Variants in GABRG3 observed in about 807,000 individuals in gnomAD.
GABRG3 encodes the protein gamma-aminobutyric acid type A receptor subunit gamma3.
In GABRG3, 25 loss-of-function variants were observed where a neutral mutation model predicts 48.8. The ratio of observed to expected loss-of-function variants is 0.51; its 90% CI spans 0.37 to 0.72. GABRG3 has a LOEUF of 0.72. Among genes scored for constraint, GABRG3 ranks in the 30% least tolerant of loss-of-function variants. The pLI, the probability that GABRG3 is intolerant of heterozygous loss-of-function variation, is 0.00. For synonymous variants in GABRG3, 227 were observed against 217.6 expected (o/e 1.04, Z -0.38); for missense variants, 394 against 577.9 (o/e 0.68, Z 3.26).
In GABRG3 at chr15:27,022,458, T is replaced by C. The variant is rs374412637; in HGVS notation, c.203-4296T>C. Among the ~76,000 whole-genome samples the C allele has an allele frequency of 2.6e-5, 4 of 152,310 alleles. No homozygotes were observed. The South Asian group carries it at 6.2e-4, about 24-fold the overall frequency. Reference sequence around the variant, plus strand: ...CAAAGTTAGCAAAATGAGACACTTATTACCATATGAAGATCATCAGGAGAG... The same window carrying C: ...CAAAGTTAGCAAAATGAGACACTTACTACCATATGAAGATCATCAGGAGAG... On this transcript the variant is annotated intron_variant, in intron 2 of 9. Coordinates refer to ENST00000615808, the MANE Select transcript of GABRG3 (RefSeq NM_033223.5).
intron 3 of GABRG3, among the ~76,000 whole-genome samples, chr15:27,118,049 T>C (rs1015684233): frequency 3.9e-5 from 6 of 152,192 alleles, no homozygotes; most frequent in Non-Finnish European, 8.8e-5. Flanking sequence ...CACGACCTCT[T>C]CTCTTAACCA....
intron 3 of GABRG3, among the ~76,000 whole-genome samples, chr15:27,044,806 G>C (rs1896334791): frequency 1.3e-5 from 2 of 152,206 alleles, no homozygotes; most frequent in Non-Finnish European, 2.9e-5. Context: ...ATTTGAACCT[G>C]GTTTAACCAG....
intron 3 of GABRG3, among the ~76,000 whole-genome samples, chr15:27,315,693 C>T (rs1251707042): frequency 1.3e-5 from 2 of 152,124 alleles, no homozygotes; most frequent in Non-Finnish European, 2.9e-5. Context: ...TGAAATCTTG[C>T]ACTTTAAAAT....
At chr15:27,000,986 GT>G in intron 2 of GABRG3, among the ~76,000 whole-genome samples, 1 of 152,266 alleles carries the variant, frequency 6.6e-6, no homozygotes, top group East Asian at 1.9e-4. Context: ...CTTATGGATG[GT>G]TTTTGGATGG....
chr15:27,408,037 T>G (rs377106895), intron 5 of GABRG3, among the ~76,000 whole-genome samples: 53 of 152,154 alleles, frequency 3.5e-4, no homozygotes, highest in African/African-American at 1.2e-3. Context: ...GCCATGCATG[T>G]GTAGGGTAGG....
intron 3 of GABRG3, among the ~76,000 whole-genome samples, chr15:27,034,141 A>G (rs972937810): frequency 2.0e-5 from 3 of 152,234 alleles, no homozygotes; most frequent in Non-Finnish European, 4.4e-5. Context: ...ACCCTGTATG[A>G]AAACGTATAT....
chr15:27,282,479 C>T (rs933227066), intron 3 of GABRG3, among the ~76,000 whole-genome samples: 3 of 152,200 alleles, frequency 2.0e-5, no homozygotes, highest in African/African-American at 7.2e-5. Context: ...TCCTCTCTCG[C>T]ATCCATTCTT....
chr15:27,167,446 C>A (rs1318083932), intron 3 of GABRG3, among the ~76,000 whole-genome samples: 1 of 152,206 alleles, frequency 6.6e-6, no homozygotes, highest in African/African-American at 2.4e-5. Context: ...CCTGGCTGGG[C>A]TCAGCTTAGC....
chr15:27,205,577 G>T (rs1888825962), intron 3 of GABRG3, among the ~76,000 whole-genome samples: 1 of 152,038 alleles, frequency 6.6e-6, no homozygotes, highest in African/African-American at 2.4e-5. Flanking sequence ...TGACCTCATA[G>T]AATGAGTTAG....
intron 3 of GABRG3, among the ~76,000 whole-genome samples, chr15:27,274,589 A>G (rs2140475744): frequency 6.6e-6 from 1 of 152,218 alleles, no homozygotes; most frequent in Non-Finnish European, 1.5e-5. Context: ...TATGGGCCCC[A>G]CCTTTCCATA....
At chr15:27,263,756 A>C (rs938312234) in intron 3 of GABRG3, among the ~76,000 whole-genome samples, 1 of 151,958 alleles carries the variant, frequency 6.6e-6, no homozygotes, top group African/African-American at 2.4e-5. Context: ...TGTTTAGACA[A>C]CCACCGGACG....
intron 3 of GABRG3, among the ~76,000 whole-genome samples, chr15:27,105,084 A>G (rs191817067): frequency 6.6e-6 from 1 of 152,356 alleles, no homozygotes; most frequent in Non-Finnish European, 1.5e-5. Context: ...AAGAATGGAA[A>G]AAGATATACC....
chr15:27,514,790 T>C lies in GABRG3; in HGVS notation c.713-5182T>C, dbSNP rs541272806. 9.2e-5 allele frequency among the ~76,000 whole-genome samples: 14 copies of C among 152,240 alleles called. No individual in the cohort carries two copies. In the South Asian group the frequency reaches 2.5e-3, roughly 27 times the overall value. On this transcript the variant is annotated intron_variant, in intron 6 of 9. Transcript: ENST00000615808. Reference sequence around the variant, plus strand: ...GCAGAATCAAAATGCACACACAGATTCATACAGATACGAACACACAAATAA... The same window carrying C: ...GCAGAATCAAAATGCACACACAGATCCATACAGATACGAACACACAAATAA...
intron 5 of GABRG3, among the ~76,000 whole-genome samples, chr15:27,387,121 T>C (rs1895946191): frequency 6.6e-6 from 1 of 152,156 alleles, no homozygotes. Context: ...GCAAGGAAAC[T>C]GACTGTACAA....
At chr15:27,301,460 A>G (rs1266023059) in intron 3 of GABRG3, among the ~76,000 whole-genome samples, 2 of 152,164 alleles carry the variant, frequency 1.3e-5, no homozygotes, top group Admixed American at 6.6e-5. Context: ...TCCTATTACT[A>G]AAAAAGCATA....
intron 5 of GABRG3, among the ~76,000 whole-genome samples, chr15:27,461,268 C>T (rs1268385640): frequency 6.6e-6 from 1 of 152,272 alleles, no homozygotes; most frequent in African/African-American, 2.4e-5. Flanking sequence ...CACATGTGTG[C>T]GTTATTTTTA....
chr15:27,254,201 C>T (rs764536838), intron 3 of GABRG3, among the ~76,000 whole-genome samples: 29 of 152,118 alleles, frequency 1.9e-4, no homozygotes, highest in Non-Finnish European at 4.0e-4. Flanking sequence ...CACTAACAGG[C>T]GCCCCTGGAG....
chr15:27,455,519 G>A (rs1432281550), intron 5 of GABRG3, among the ~76,000 whole-genome samples: 1 of 151,900 alleles, frequency 6.6e-6, no homozygotes, highest in Non-Finnish European at 1.5e-5. Context: ...TTGTGTATAT[G>A]TGCATGGTGT....
chr15:27,192,642 G>C (rs1283257010), intron 3 of GABRG3, among the ~76,000 whole-genome samples: 1 of 152,130 alleles, frequency 6.6e-6, no homozygotes, highest in Non-Finnish European at 1.5e-5. Flanking sequence ...TGTTTTCAAA[G>C]TTTTTAATTT....
Sources: allele counts gnomAD v4.1 joint callset (sites outside exome capture counted in the v4.1 genomes callset), GRCh38; gene constraint gnomAD v4.1.1; transcripts MANE v1.5; gene names NCBI Gene and HGNC (gene_info 2026-07-23, HGNC 2026-07-21).